The following ZNF718 variants were observed in gnomAD, a reference collection of about 807,000 sequenced individuals.
ZNF718 encodes the protein zinc finger protein 718.
In ZNF718, 3 loss-of-function variants were observed where a neutral mutation model predicts 2.6. That is an observed-to-expected ratio of 1.16 (90% CI 0.53 to 3.01). ZNF718 has a LOEUF of 3.01. Among genes scored for constraint, ZNF718 ranks in the 30% most tolerant of loss-of-function variants. The pLI is 0.03. For synonymous variants in ZNF718, 135 were observed against 77.9 expected, an observed-to-expected ratio of 1.73 and a Z score of -3.86; for missense variants, 468 against 230.0, an observed-to-expected ratio of 2.03 and a Z score of -6.69.
rs782286222 is a variant in ZNF718 at position 124,528 on chromosome 4, C to T, written c.-143C>T. On this transcript the variant is annotated 5_prime_UTR_variant, in exon 1 of 4. Coordinates refer to ENST00000510175, the MANE Select transcript of ZNF718 (RefSeq NM_001039127.6). ...CTTTTGCTTGTAGCTCCAGCCAGAG[C>T]TCGGTTAGGGCCTCATCGCTCTGCT... is the stretch of plus-strand genomic sequence containing the variant. 1.7e-6 allele frequency: 2 copies of T among 1,185,176 alleles called. No individual in the cohort carries two copies. The highest frequency in any genetic ancestry group is 2.5e-6 in the Non-Finnish European group (2 of 813,120). 73.4% of individuals were successfully genotyped at this position (1,185,176 alleles called of 1,614,324 possible).
chr4:194,068 C>G (rs1221360832), intron 3 of ZNF718, among the ~76,000 whole-genome samples: 2 of 152,174 alleles, frequency 1.3e-5, no homozygotes, highest in Non-Finnish European at 2.9e-5. Context: ...TTTCTTATCC[C>G]ATTTATCCCA....
At chr4:188,563 C>T (rs1553820720) in intron 3 of ZNF718, among the ~76,000 whole-genome samples, 1 of 152,174 alleles carries the variant, frequency 6.6e-6, no homozygotes, top group African/African-American at 2.4e-5. Context: ...GACCTCCCAC[C>T]TTGTCTGAGT....
intron 3 of ZNF718, among the ~76,000 whole-genome samples, chr4:154,163 C>T (rs1553813161): frequency 6.6e-6 from 1 of 152,178 alleles, no homozygotes; most frequent in Non-Finnish European, 1.5e-5. Flanking sequence ...CTTTTGGCTT[C>T]TGCCATGATT....
chr4:158,302 T>A (rs962921952), intron 3 of ZNF718, among the ~76,000 whole-genome samples: 7 of 152,152 alleles, frequency 4.6e-5, no homozygotes, highest in Admixed American at 4.6e-4. Context: ...TGGATCTTGT[T>A]TTTTTAATTG....
chr4:198,387 C>T (rs147759005), intron 3 of ZNF718, among the ~76,000 whole-genome samples: 135 of 152,194 alleles, frequency 8.9e-4, no homozygotes, highest in Middle Eastern at 6.8e-3. Flanking sequence ...AGAACAAGAC[C>T]CCCTCAGGTC....
chr4:195,749 A>G (rs1717777961), intron 3 of ZNF718, among the ~76,000 whole-genome samples: 1 of 152,168 alleles, frequency 6.6e-6, no homozygotes, highest in Non-Finnish European at 1.5e-5. Context: ...AATTTTTTAT[A>G]GGAAGTCTAC....
At position 157,475 on chromosome 4, in the gene ZNF718, T is replaced by A. The variant is rs553420549; in HGVS notation, c.227-3437T>A. ...CATTGTCTCTCGAAATTTTATCTAA[T>A]TTTGGGGTTGCTGTTTCTATTTCTG... On this transcript the variant is annotated intron_variant, in intron 3 of 3. Transcript: ENST00000510175. Among the ~76,000 whole-genome samples, 14 of 152,246 alleles carry A rather than the reference T, an allele frequency of 9.2e-5. No individual in the cohort carries two copies. The South Asian group carries it at 2.9e-3, about 32-fold the overall frequency.
At chr4:189,654 C>T (rs1010285118) in intron 3 of ZNF718, among the ~76,000 whole-genome samples, 2 of 152,098 alleles carry the variant, frequency 1.3e-5, no homozygotes, top group African/African-American at 4.8e-5. Flanking sequence ...ACTTCCAGTA[C>T]AGTGTTAAAC....
intron 3 of ZNF718, chr4:200,987 T>G (rs1007151864): frequency 1.3e-5 from 2 of 152,372 alleles, no homozygotes; most frequent in East Asian, 1.9e-4. Context: ...GACACGCAGA[T>G]ACATTAAAGG....
At chr4:165,293 G>C (rs1717061421), downstream of ZNF718, among the ~76,000 whole-genome samples, 2 of 152,162 alleles carry the variant, frequency 1.3e-5, no homozygotes. Context: ...GATTACTTAA[G>C]AGTCATTTAC....
chr4:138,050 G>C (rs1371261328), intron 3 of ZNF718, among the ~76,000 whole-genome samples: 1 of 152,186 alleles, frequency 6.6e-6, no homozygotes, highest in Non-Finnish European at 1.5e-5. Context: ...GGTTACATGA[G>C]ATATTTTGAT....
At chr4:185,384 G>GT (rs1717547179) in intron 3 of ZNF718, among the ~76,000 whole-genome samples, 1 of 152,106 alleles carries the variant, frequency 6.6e-6, no homozygotes. Flanking sequence ...TATGATTTTA[G>GT]TTTTTTGCAC....
rs1411104808 is a variant in ZNF718 at position 163,006 on chromosome 4, TTTGAAATTATTCCA to T, written c.*895_*908del. On this transcript the variant is annotated 3_prime_UTR_variant, in exon 4 of 4. Coordinates refer to ENST00000510175, the MANE Select transcript of ZNF718 (RefSeq NM_001039127.6). ...TATATAAGTTGAAAAGGAGTAGCTT[TTTGAAATTATTCCA>T]TTGAAATTATACTTTTTTTACCTGA... The T allele has an allele frequency of 1.3e-5, 2 of 152,196 alleles. No homozygotes were observed. Among genetic ancestry groups the T allele is most frequent in the Non-Finnish European group, 2.9e-5 (2 of 68,020 alleles). 9.4% of individuals were successfully genotyped at this position (152,196 alleles called of 1,614,324 possible). A position where few individuals can be genotyped will look rare whatever the true frequency, so the allele number is the denominator to read the frequency against.
chr4:127,776 C>CACACTG lies in ZNF718; in HGVS notation c.4-3011_4-3006dup, dbSNP rs1406792760. 4.8e-5 allele frequency among the ~76,000 whole-genome samples: 5 copies of CACACTG among 104,458 alleles called. 2 individuals are homozygous for CACACTG. In the South Asian group the frequency reaches 1.5e-3, roughly 30 times the overall value. 68.5% of individuals were successfully genotyped at this position (104,458 alleles called of 152,430 possible). On this transcript the variant is annotated intron_variant, in intron 1 of 3. Transcript: ENST00000510175. ...TGGCTATAAATTAACCTAATAATGCCACACTGGACACTATAATCCACACCC... is the reference window on the plus strand; with the variant it reads ...TGGCTATAAATTAACCTAATAATGCCACACTGACACTGGACACTATAATCCACACCC...
chr4:133,862 A>C (rs1715438566), intron 3 of ZNF718, among the ~76,000 whole-genome samples: 1 of 152,246 alleles, frequency 6.6e-6, no homozygotes, highest in Non-Finnish European at 1.5e-5. Flanking sequence ...GTAAAATAAA[A>C]TATAGTCAAG....
In ZNF718 at chr4:161,371, G is replaced by A. The variant is rs549488923; in HGVS notation, c.686G>A (p.Cys229Tyr). ...RIHAREKFYK[C>Y]EECGKGFTRS... The stretch of plus-strand genomic sequence containing the variant: ...CATGCCAGAGAGAAATTCTACAAGT[G>A]TGAAGAATGTGGTAAAGGCTTTACT... Residue 229 changes from cysteine to tyrosine, a missense_variant, in exon 4 of 4, where the codon TGT becomes TAT. Cys to Tyr is a radical substitution (Grantham distance 194). Transcript: ENST00000510175. The A allele has an allele frequency of 6.4e-6, 5 of 779,162 alleles. No homozygotes were observed. Among genetic ancestry groups the A allele is most frequent in the Admixed American group, 3.4e-5 (2 of 58,606 alleles). 48.3% of individuals were successfully genotyped at this position (779,162 alleles called of 1,614,324 possible).
At chr4:156,418 C>T (rs1716569444) in intron 3 of ZNF718, among the ~76,000 whole-genome samples, 1 of 152,010 alleles carries the variant, frequency 6.6e-6, no homozygotes, top group South Asian at 2.1e-4. Context: ...TGGGAGAGCA[C>T]TTTTGTGATT....
chr4:176,954 T>A, intron 3 of ZNF718, among the ~76,000 whole-genome samples: 1 of 152,148 alleles, frequency 6.6e-6, no homozygotes, highest in Admixed American at 6.5e-5. Flanking sequence ...AGTGCAGAAC[T>A]TTACTTCCTA....
chr4:168,558 A>T (rs1484640488), downstream of ZNF718, among the ~76,000 whole-genome samples: 2 of 152,234 alleles, frequency 1.3e-5, no homozygotes, highest in East Asian at 3.9e-4. Context: ...CAGATATTCA[A>T]CTTTTTCCTA....
Sources: allele counts gnomAD v4.1 joint callset (sites outside exome capture counted in the v4.1 genomes callset), GRCh38; gene constraint gnomAD v4.1.1; transcripts MANE v1.5; gene names NCBI Gene and HGNC (gene_info 2026-07-23, HGNC 2026-07-21).